MTF2: variants seen among roughly 807,000 people sequenced by gnomAD.
MTF2 encodes the protein metal-response element-binding transcription factor 2.
MTF2 carries 11 observed loss-of-function variants against 79.5 expected under a neutral mutation model. That is an observed-to-expected ratio of 0.14 (90% CI 0.09 to 0.23). The LOEUF (loss-of-function observed/expected upper bound fraction) is 0.23. MTF2 is among the 10% of genes least tolerant of loss of function. The pLI is 1.00. For missense variants in MTF2, 486 were observed against 711.2 expected (o/e 0.68, Z 3.60); for synonymous variants, 208 against 232.8 (o/e 0.89, Z 0.97).
chr1:93,119,071 G>A (rs557251240), intron 7 of MTF2, among the ~76,000 whole-genome samples: 38 of 152,342 alleles, frequency 2.5e-4, no homozygotes, highest in South Asian at 6.2e-4. Flanking sequence ...ATAAGTACGT[G>A]TGAGTCTGTG....
intron 1 of MTF2, among the ~76,000 whole-genome samples, chr1:93,108,383 T>C (rs1655893426): frequency 6.6e-6 from 1 of 152,184 alleles, no homozygotes; most frequent in Admixed American, 6.5e-5. Context: ...ACAAATTCAG[T>C]TTTTGTTTAT....
rs117163649 is a variant in MTF2, at chr1:93,130,181, A to G, written c.1160+733A>G. 1.3e-3 allele frequency among the ~76,000 whole-genome samples: 196 copies of G among 152,304 alleles called. 2 individuals are homozygous for G. The East Asian group carries it at 0.036, about 28-fold the overall frequency. On this transcript the variant is annotated intron_variant, in intron 11 of 14. Transcript: ENST00000370298. ...GAGAGTAGCATCAGGTATTGGAAAG[A>G]TTAGGTGGGGCTTGATCCTGTGTAG... is the stretch of plus-strand genomic sequence containing the variant.
intron 1 of MTF2, among the ~76,000 whole-genome samples, chr1:93,087,165 G>A (rs1012302315): frequency 9.9e-5 from 15 of 152,182 alleles, no homozygotes; most frequent in African/African-American, 3.1e-4. Flanking sequence ...TGGACTTTCA[G>A]GTTAGGGATG....
chr1:93,120,712 T>C (rs766886363), intron 9 of MTF2, 40 bp downstream of exon 9: 8 of 1,584,054 alleles, frequency 5.1e-6, no homozygotes, highest in Non-Finnish European at 6.8e-6. Flanking sequence ...CTACTTGATG[T>C]CTTTTTTGTT....
chr1:93,114,528 C>T (rs1485961737), intron 3 of MTF2, among the ~76,000 whole-genome samples, 160 bp from the exon 4 acceptor site: 2 of 152,208 alleles, frequency 1.3e-5, no homozygotes, highest in Admixed American at 1.3e-4. Context: ...AGAAAGAACA[C>T]AGAGAGCAGA....
intron 1 of MTF2, among the ~76,000 whole-genome samples, chr1:93,089,869 G>C (rs1654998687): frequency 6.9e-6 from 1 of 144,550 alleles, no homozygotes; most frequent in Non-Finnish European, 1.5e-5. Flanking sequence ...TTTTGAGACA[G>C]AGTCTCACTC....
intron 1 of MTF2, among the ~76,000 whole-genome samples, chr1:93,091,991 G>A (rs535632793): frequency 1.3e-5 from 2 of 152,244 alleles, no homozygotes; most frequent in Middle Eastern, 3.4e-3. Context: ...CTGGGATGTC[G>A]TCTTCTACTT....
chr1:93,091,819 C>T (rs775878101), intron 1 of MTF2, among the ~76,000 whole-genome samples: 3 of 152,136 alleles, frequency 2.0e-5, no homozygotes, highest in Non-Finnish European at 4.4e-5. Flanking sequence ...AGTTGAGAAC[C>T]ACTGCCTTAT....
intron 11 of MTF2, among the ~76,000 whole-genome samples, chr1:93,131,472 A>G (rs539024425): frequency 4.6e-5 from 7 of 152,178 alleles, no homozygotes; most frequent in Non-Finnish European, 8.8e-5. Context: ...TACGTGTCAA[A>G]CTGGGCTTCT....
At chr1:93,121,698 ATAT>A in intron 9 of MTF2, 1 of 952,720 alleles carries the variant, frequency 1.0e-6, no homozygotes, top group Non-Finnish European at 1.2e-6. Flanking sequence ...TGAATGTTAG[ATAT>A]TGGATTATCA....
In MTF2 at chr1:93,118,438, C is replaced by A; in HGVS notation, c.726C>A (p.Asp242Glu). 6.3e-7 allele frequency: 1 copy of A among 1,586,274 alleles called. No homozygotes were observed. Among genetic ancestry groups the A allele is most frequent in the Admixed American group, 1.8e-5 (1 of 56,062 alleles). The change falls in exon 7 of 15, where the codon GAC (aspartate) becomes GAA (glutamate). Residue 242 changes from aspartate (D) to glutamate (E), a missense_variant and splice_region_variant. Physicochemically the swap from Asp to Glu is conservative, Grantham distance 45. Transcript: ENST00000370298. Reference sequence around the variant, plus strand: ...TTCAAAAGCCAATGCTATTTGGAGACAGGTGAGAAGGGCATTTGAACTTTA... The same window carrying A: ...TTCAAAAGCCAATGCTATTTGGAGAAAGGTGAGAAGGGCATTTGAACTTTA... ...QCLQKPMLFG[D>E]RFYTFICSVC...
chr1:93,134,334 T>C (rs1461350868), intron 14 of MTF2, 139 bp downstream of exon 14: 2 of 628,776 alleles, frequency 3.2e-6, no homozygotes, highest in Non-Finnish European at 5.6e-6. Flanking sequence ...GTAATCCATA[T>C]GTAGATCCCA....
rs186216858 is a variant in MTF2, at chr1:93,094,944, A to G, written c.6-15286A>G. The stretch of plus-strand genomic sequence containing the variant: ...TGTGCCTTGTATTTCCCTTGATTCA[A>G]TTCCTTGAAAGAATAAACGTTCCAT... On this transcript the variant is annotated intron_variant, in intron 1 of 14. Coordinates refer to ENST00000370298, the MANE Select transcript of MTF2 (RefSeq NM_007358.4). Among the ~76,000 whole-genome samples, 9 of 152,208 alleles carry G rather than the reference A, an allele frequency of 5.9e-5. No homozygotes were observed. The East Asian group carries it at 1.2e-3, about 20-fold the overall frequency.
In MTF2 at chr1:93,134,079, CTT is replaced by C; in HGVS notation, c.1320-9_1320-8del. 1 of 1,592,226 alleles carries C rather than the reference CTT, an allele frequency of 6.3e-7. No individual in the cohort carries two copies. Among genetic ancestry groups the C allele is most frequent in the Non-Finnish European group, 8.6e-7 (1 of 1,167,040 alleles). On this transcript the variant is annotated splice_polypyrimidine_tract_variant and intron_variant, in intron 13 of 14. Transcript: ENST00000370298. ...ATATAGTCGTTACACAATTTAAATT[CTT>C]TTGTCTCAGGAGAACTGAGGGAACT...
intron 6 of MTF2, among the ~76,000 whole-genome samples, chr1:93,116,859 C>T (rs1411189265): frequency 1.3e-5 from 2 of 151,926 alleles, no homozygotes; most frequent in Non-Finnish European, 2.9e-5. Context: ...GAATAGGAAG[C>T]TTGAGGAGAG....
Position 93,113,076 on chromosome 1 carries a change from C to T in MTF2, c.287-1612C>T, listed in dbSNP as rs777888238. ...AGAAGCTATGGGAGACCACCTTCAACGAAGTGTACCAAGAAGCAAACAGCT... is the reference window on the plus strand; with the variant it reads ...AGAAGCTATGGGAGACCACCTTCAATGAAGTGTACCAAGAAGCAAACAGCT... On this transcript the variant is annotated intron_variant, in intron 3 of 14. Transcript: ENST00000370298. Among the ~76,000 whole-genome samples, 13 of 152,112 alleles carry T rather than the reference C, an allele frequency of 8.5e-5. 1 individual carries two copies. Among genetic ancestry groups the T allele is most frequent in the South Asian group, 4.1e-4 (2 of 4,830 alleles).
intron 1 of MTF2, among the ~76,000 whole-genome samples, chr1:93,099,112 T>G (rs893296573): frequency 6.6e-6 from 1 of 152,184 alleles, no homozygotes; most frequent in Non-Finnish European, 1.5e-5. Context: ...CCTCCATATT[T>G]TGGCAGAGTT....
chr1:93,079,429 G>T lies in MTF2; in HGVS notation c.-98G>T. ...ATGTGCCGGGTACCCGGTGGGGCGG[G>T]TGCCCAGTAAGTGCTCGGACTCGCA... is the stretch of plus-strand genomic sequence containing the variant. On this transcript the variant is annotated 5_prime_UTR_variant, in exon 1 of 15. Coordinates refer to ENST00000370298, the MANE Select transcript of MTF2 (RefSeq NM_007358.4). 6.7e-7 allele frequency: 1 copy of T among 1,486,758 alleles called. No homozygotes were observed. The highest frequency in any genetic ancestry group is 1.7e-5 in the Admixed American group (1 of 57,914). The allele number at this position is 1,486,758 out of a possible 1,614,324, so 92.1% of individuals were successfully genotyped here. A position where few individuals can be genotyped will look rare whatever the true frequency, so the allele number is the denominator to read the frequency against.
At chr1:93,136,637 C>T (rs2281524) in intron 14 of MTF2, 33 bp from the exon 15 acceptor site, 1,381,901 of 1,559,544 alleles carry the variant, frequency 0.89, 614,421 homozygotes, top group African/African-American at 0.95. Flanking sequence ...TAAAAAAGCT[C>T]AGTAGACAAT....
Sources: gnomAD v4.1 joint callset for allele counts (sites outside exome capture counted in the v4.1 genomes callset) on GRCh38, gnomAD v4.1.1 for gene constraint, MANE v1.5 for transcripts, NCBI Gene and HGNC (gene_info 2026-07-23, HGNC 2026-07-21) for gene names.